The following UBE3D variants were observed in gnomAD, a reference collection of about 807,000 sequenced individuals.
The protein encoded by UBE3D is E3 ubiquitin-protein ligase E3D.
UBE3D carries 48 observed loss-of-function variants against 49.6 expected under a neutral mutation model. That is an observed-to-expected ratio of 0.97 (90% CI 0.77 to 1.23). The LOEUF (loss-of-function observed/expected upper bound fraction) is 1.23. Ranked by LOEUF, UBE3D falls within the 50% of genes most tolerant of loss-of-function variation. The pLI is 0.00. For synonymous variants in UBE3D, 189 were observed against 174.2 expected (o/e 1.08, Z -0.67); for missense variants, 452 against 468.4 (o/e 0.96, Z 0.32).
At chr6:82,940,675 CCTT>C (rs1272468322) in intron 9 of UBE3D, among the ~76,000 whole-genome samples, 1 of 152,060 alleles carries the variant, frequency 6.6e-6, no homozygotes, top group Non-Finnish European at 1.5e-5. Context: ...TCACTCACAC[CCTT>C]CTTCCCTACC....
chr6:82,996,510 A>C (rs1779251767), intron 8 of UBE3D, among the ~76,000 whole-genome samples: 1 of 152,172 alleles, frequency 6.6e-6, no homozygotes. Context: ...CAGGAGATAG[A>C]GCTTATCACT....
chr6:83,062,507 C>G (rs1275524231), intron 1 of UBE3D, among the ~76,000 whole-genome samples: 1 of 152,056 alleles, frequency 6.6e-6, no homozygotes, highest in Non-Finnish European at 1.5e-5. Flanking sequence ...CATTGGGGAT[C>G]AAAGTGAGAA....
downstream of UBE3D, among the ~76,000 whole-genome samples, chr6:82,890,291 T>A (rs934934620): frequency 6.6e-6 from 1 of 152,122 alleles, no homozygotes; most frequent in Non-Finnish European, 1.5e-5. Context: ...AACAAAAAGA[T>A]AGAAAGAGCC....
intron 9 of UBE3D, among the ~76,000 whole-genome samples, chr6:82,921,043 C>T (rs1773297403): frequency 6.7e-6 from 1 of 150,168 alleles, no homozygotes; most frequent in Non-Finnish European, 1.5e-5. Flanking sequence ...GCAACCTTAA[C>T]TGCCAGGGTG....
At position 82,966,415 on chromosome 6, in the gene UBE3D, C is replaced by T. The variant is rs1245489007; in HGVS notation, c.1011-8965G>A. Among the ~76,000 whole-genome samples, 2 of 72,100 alleles carry T rather than the reference C, an allele frequency of 2.8e-5. 1 individual carries two copies. Among genetic ancestry groups the T allele is most frequent in the Non-Finnish European group, 5.7e-5 (2 of 34,844 alleles). The allele number at this position is 72,100 out of a possible 152,430, so 47.3% of individuals were successfully genotyped here. A position where few individuals can be genotyped will look rare whatever the true frequency, so the allele number is the denominator to read the frequency against. ...CCTGTAATCCCAGCACTTTGGGAGG[C>T]CGAGGCGGGCGGATCACGAGGTCAG... On this transcript the variant is annotated intron_variant, in intron 8 of 9. Transcript: ENST00000369747.
At chr6:82,915,013 T>G (rs755328768) in intron 9 of UBE3D, among the ~76,000 whole-genome samples, 26 of 152,188 alleles carry the variant, frequency 1.7e-4, no homozygotes, top group Non-Finnish European at 3.7e-4. Flanking sequence ...ATTGCCCACC[T>G]TTTTCTCTTT....
chr6:83,015,069 T>G (rs1780603517), intron 8 of UBE3D, among the ~76,000 whole-genome samples: 1 of 152,198 alleles, frequency 6.6e-6, no homozygotes, highest in African/African-American at 2.4e-5. Context: ...GTGCCACAAC[T>G]TGGCCACTGC....
chr6:82,980,748 G>A (rs79397750), intron 8 of UBE3D, among the ~76,000 whole-genome samples: 1,532 of 151,960 alleles, frequency 0.01, 27 homozygotes, highest in African/African-American at 0.035. Flanking sequence ...TTTCTATATG[G>A]TAAGAGAGGG....
At chr6:82,955,784 T>G (rs1776114412) in intron 9 of UBE3D, among the ~76,000 whole-genome samples, 1 of 152,192 alleles carries the variant, frequency 6.6e-6, no homozygotes. Flanking sequence ...GATGGAGTAA[T>G]CCTGGTGAGT....
At chr6:82,952,073 C>T (rs1366151961) in intron 9 of UBE3D, among the ~76,000 whole-genome samples, 2 of 152,134 alleles carry the variant, frequency 1.3e-5, no homozygotes, top group African/African-American at 2.4e-5. Context: ...ATCACACTAC[C>T]CCTTAAGCAC....
chr6:82,970,676 A>T (rs1237631061), intron 8 of UBE3D, among the ~76,000 whole-genome samples: 1 of 152,008 alleles, frequency 6.6e-6, no homozygotes, highest in Non-Finnish European at 1.5e-5. Context: ...CATCTCTACT[A>T]AAAATACAAA....
At position 83,022,572 on chromosome 6, in the gene UBE3D, A is replaced by G. The variant is rs781532631; in HGVS notation, c.738-11T>C. On this transcript the variant is annotated splice_polypyrimidine_tract_variant and intron_variant, in intron 6 of 9. Coordinates refer to ENST00000369747, the MANE Select transcript of UBE3D (RefSeq NM_198920.3). ...TGGACAAACCAAGACCTGTTTGAAC[A>G]GAAATCAATTTTTACAATGTGTATC... The G allele has an allele frequency of 1.2e-5, 18 of 1,557,026 alleles. No homozygotes were observed. The South Asian group carries it at 2.1e-4, about 18-fold the overall frequency.
the UBE3D span, among the ~76,000 whole-genome samples, chr6:82,883,956 A>T: frequency 6.6e-6 from 1 of 152,190 alleles, no homozygotes; most frequent in African/African-American, 2.4e-5. Context: ...AACTTCTGGG[A>T]GAACCTCATT....
At chr6:83,059,614 C>G (rs1286534261) in intron 1 of UBE3D, among the ~76,000 whole-genome samples, 2 of 152,240 alleles carry the variant, frequency 1.3e-5, no homozygotes, top group Non-Finnish European at 2.9e-5. Flanking sequence ...GCCACCCCAT[C>G]TCTGGTTTAT....
intron 8 of UBE3D, among the ~76,000 whole-genome samples, chr6:82,962,961 C>T (rs1213198741): frequency 2.6e-5 from 4 of 152,146 alleles, no homozygotes; most frequent in Non-Finnish European, 5.9e-5. Flanking sequence ...TAATGTTCAT[C>T]CTGCTCTTTC....
chr6:83,055,189 G>A (rs749391122), intron 2 of UBE3D, among the ~76,000 whole-genome samples: 7 of 152,040 alleles, frequency 4.6e-5, no homozygotes, highest in Admixed American at 2.6e-4. Context: ...GCATAAGGCC[G>A]CATGTTCCCT....
At chr6:82,977,603 C>T (rs187527159) in intron 8 of UBE3D, among the ~76,000 whole-genome samples, 148 of 152,172 alleles carry the variant, frequency 9.7e-4, no homozygotes, top group Admixed American at 8.1e-3. Context: ...TTTGGGAGGC[C>T]GAGGCAGGTG....
chr6:82,909,888 T>G (rs777064908), intron 9 of UBE3D, among the ~76,000 whole-genome samples: 4 of 152,170 alleles, frequency 2.6e-5, no homozygotes, highest in Admixed American at 6.5e-5. Context: ...ATCCTTCCCC[T>G]TCCTCCCAAC....
chr6:82,888,611 G>A (rs115219001), downstream of UBE3D, among the ~76,000 whole-genome samples: 2 of 152,014 alleles, frequency 1.3e-5, no homozygotes, highest in Non-Finnish European at 2.9e-5. Flanking sequence ...TAAAAGACAC[G>A]ACTAGGACAC....
Sources: allele counts gnomAD v4.1 joint callset (sites outside exome capture counted in the v4.1 genomes callset), GRCh38; gene constraint gnomAD v4.1.1; transcripts MANE v1.5; gene names NCBI Gene and HGNC (gene_info 2026-07-23, HGNC 2026-07-21).